ZNF568: variants seen among roughly 807,000 people sequenced by gnomAD.
ZNF568 encodes zinc finger protein 568.
A neutral mutation model predicts 18.1 loss-of-function variants in ZNF568; 11 were observed. The observed-to-expected ratio is 0.61, with a 90% confidence interval of 0.38 to 1.00. The LOEUF (loss-of-function observed/expected upper bound fraction) is 1.00. ZNF568 is among the 50% of genes least tolerant of loss of function. The pLI is 0.01. For synonymous variants in ZNF568, 213 were observed against 246.6 expected (o/e 0.86, Z 1.28); for missense variants, 639 against 768.2 (o/e 0.83, Z 1.99).
At chr19:36,956,251 C>G (rs1315808163), downstream of ZNF568, among the ~76,000 whole-genome samples, 1 of 152,170 alleles carries the variant, frequency 6.6e-6, no homozygotes, top group Non-Finnish European at 1.5e-5. Context: ...CTGCTGACAA[C>G]TCACAGCTAA....
chr19:36,988,578 G>A (rs1488811813), intron 2 of ZNF568, among the ~76,000 whole-genome samples: 3 of 152,142 alleles, frequency 2.0e-5, no homozygotes, highest in African/African-American at 7.2e-5. Flanking sequence ...ACAGCAACAA[G>A]GGGGTGGTAC....
At chr19:36,996,645 T>G in exon 5 of ZNF568, 1 of 1,535,210 alleles carries the variant, frequency 6.5e-7, no homozygotes, top group African/African-American at 1.4e-5. Flanking sequence ...GTGGAGAATG[T>G]AGGAAAATCT....
At position 36,996,423 on chromosome 19, in the gene ZNF568, C is replaced by A; in HGVS notation, c.336C>A (p.Cys112Ter). Residue 112 changes from cysteine to a stop codon, truncating the protein, a stop_gained, in exon 5 of 5, where the codon TGC becomes TGA. Transcript: ENST00000433993. LOFTEE classifies it low-confidence loss of function (END_TRUNC). ...CCAGAGTTATCAGAGAAATCAGATG[C>A]CAGGTGGAGAGACAACAGGGTCATC... is the stretch of plus-strand genomic sequence containing the variant. 6.5e-7 allele frequency: 1 copy of A among 1,536,266 alleles called. No homozygotes were observed. Among genetic ancestry groups the A allele is most frequent in the Non-Finnish European group, 8.7e-7 (1 of 1,146,950 alleles).
intron 6 of ZNF568, among the ~76,000 whole-genome samples, chr19:36,944,868 TCTTC>T (rs2073936964): frequency 6.6e-6 from 1 of 152,202 alleles, no homozygotes; most frequent in Admixed American, 6.5e-5. Context: ...TTTTGAGTTT[TCTTC>T]CTTAGAATAT....
chr19:36,968,525 A>G (rs1568401261), intron 6 of ZNF568, among the ~76,000 whole-genome samples: 1 of 148,542 alleles, frequency 6.7e-6, no homozygotes, highest in South Asian at 2.2e-4. Flanking sequence ...GCCTGGCAAC[A>G]GAGCAAGACT....
In ZNF568 at chr19:36,936,757, A is replaced by AT; in HGVS notation, c.150dup (p.Lys51Ter). 3.7e-6 allele frequency: 6 copies of AT among 1,613,412 alleles called. No homozygotes were observed. The highest frequency in any genetic ancestry group is 5.1e-6 in the Non-Finnish European group (6 of 1,179,534). On this transcript the variant is annotated frameshift_variant, in exon 5 of 7. Coordinates refer to ENST00000333987, the MANE Select transcript of ZNF568 (RefSeq NM_198539.4). LOFTEE classifies it high-confidence loss of function. Reference sequence around the variant, plus strand: ...TTATGTTTTTACAGGAAACAGTGACATTTAAGGATGTGGCTGTTGACCTTA... The same window carrying AT: ...TTATGTTTTTACAGGAAACAGTGACATTTTAAGGATGTGGCTGTTGACCTTA...
intron 7 of ZNF568, among the ~76,000 whole-genome samples, chr19:36,975,973 C>T (rs377701698): frequency 1.3e-5 from 2 of 152,228 alleles, no homozygotes; most frequent in South Asian, 2.1e-4. Context: ...GAATTACAGG[C>T]GTAAGCCACC....
intron 6 of ZNF568, among the ~76,000 whole-genome samples, chr19:36,946,967 A>G (rs954786150): frequency 2.7e-5 from 4 of 149,190 alleles, no homozygotes; most frequent in Non-Finnish European, 5.9e-5. Flanking sequence ...TAACTAGTGG[A>G]CTATACTGTA....
intron 4 of ZNF568, among the ~76,000 whole-genome samples, chr19:36,932,359 G>A (rs549253866): frequency 1.3e-5 from 2 of 152,256 alleles, no homozygotes; most frequent in African/African-American, 4.8e-5. Flanking sequence ...AGGCTGAGAT[G>A]GGCAGATCAC....
In ZNF568 at chr19:36,951,558, A is replaced by G. The variant is rs1471572164; in HGVS notation, c.*470A>G. The stretch of plus-strand genomic sequence containing the variant: ...CTCAGTGTATGTTAGACCTGACATC[A>G]TGAATTAGTAGGGAAATGATGACCT... On this transcript the variant is annotated 3_prime_UTR_variant, in exon 7 of 7. Coordinates refer to ENST00000333987, the MANE Select transcript of ZNF568 (RefSeq NM_198539.4). 1 of 152,332 alleles carries G rather than the reference A, an allele frequency of 6.6e-6. No individual in the cohort carries two copies. The highest frequency in any genetic ancestry group is 2.4e-5 in the African/African-American group (1 of 41,440). The allele number at this position is 152,332 out of a possible 1,614,324, so 9.4% of individuals were successfully genotyped here.
At chr19:36,964,619 C>T (rs1468181287) in intron 6 of ZNF568, among the ~76,000 whole-genome samples, 1 of 152,032 alleles carries the variant, frequency 6.6e-6, no homozygotes, top group Non-Finnish European at 1.5e-5. Context: ...TCGAGACCAG[C>T]CTGGGCAACA....
chr19:36,935,675 A>G lies in ZNF568; in HGVS notation c.136-1071A>G, dbSNP rs551642042. The stretch of plus-strand genomic sequence containing the variant: ...GGTATTTTAAGACTGTTAGATGCAT[A>G]TATAATTGTTATATCTTTCTGCCAG... On this transcript the variant is annotated intron_variant, in intron 4 of 6. Coordinates refer to ENST00000333987, the MANE Select transcript of ZNF568 (RefSeq NM_198539.4). Among the ~76,000 whole-genome samples, 4 of 151,958 alleles carry G rather than the reference A, an allele frequency of 2.6e-5. No homozygotes were observed. The South Asian group carries it at 8.3e-4, about 31-fold the overall frequency.
At chr19:36,976,928 G>T (rs2074290604) in intron 7 of ZNF568, among the ~76,000 whole-genome samples, 1 of 152,048 alleles carries the variant, frequency 6.6e-6, no homozygotes, top group Admixed American at 6.6e-5. Flanking sequence ...AAAAGAAAGG[G>T]TAGAGCTGGG....
At chr19:36,969,389 G>A (rs539727372) in intron 6 of ZNF568, among the ~76,000 whole-genome samples, 21 of 152,202 alleles carry the variant, frequency 1.4e-4, no homozygotes, top group African/African-American at 4.3e-4. Flanking sequence ...GAAAGAGAGC[G>A]AAAGAAAATA....
chr19:36,941,509 A>G (rs1568388155), intron 6 of ZNF568, among the ~76,000 whole-genome samples: 1 of 152,218 alleles, frequency 6.6e-6, no homozygotes, highest in African/African-American at 2.4e-5. Context: ...ATGAATCACA[A>G]TTAGATGGAA....
intron 4 of ZNF568, among the ~76,000 whole-genome samples, chr19:36,936,448 G>C (rs775439329): frequency 6.6e-6 from 1 of 152,086 alleles, no homozygotes; most frequent in Admixed American, 6.6e-5. Flanking sequence ...AATTTGCTCT[G>C]AAGATTCTCT....
chr19:36,942,476 G>A (rs1254977735), intron 6 of ZNF568, among the ~76,000 whole-genome samples: 1 of 151,250 alleles, frequency 6.6e-6, no homozygotes, highest in African/African-American at 2.4e-5. Context: ...GCGGGTGCCT[G>A]TAGTCCCAGC....
At chr19:36,975,745 TGTGATCTGAGC>T (rs111612075) in intron 7 of ZNF568, among the ~76,000 whole-genome samples, 74,406 of 135,378 alleles carry the variant, frequency 0.55, 21,075 homozygotes, top group African/African-American at 0.68. Context: ...AGTGCAGTGG[TGTGATCTGAGC>T]GTGATCTGAG....
In ZNF568 at chr19:36,922,765, G is replaced by T. The variant is rs754761507; in HGVS notation, c.-6G>T. ...GACCCTTCTGCCCAGAGCAGGCAGG[G>T]TCTGAATGACATCTCAATCTTCAGT... On this transcript the variant is annotated 5_prime_UTR_variant, in exon 3 of 7. Transcript: ENST00000333987. The T allele has an allele frequency of 1.1e-5, 17 of 1,613,800 alleles. No individual in the cohort carries two copies. The highest frequency in any genetic ancestry group is 1.7e-5 in the Admixed American group (1 of 59,986).
Sources: allele counts gnomAD v4.1 joint callset (sites outside exome capture counted in the v4.1 genomes callset), GRCh38; gene constraint gnomAD v4.1.1; transcripts MANE v1.5; gene names NCBI Gene and HGNC (gene_info 2026-07-23, HGNC 2026-07-21).